Variants in PLA2R1 observed in about 807,000 individuals in gnomAD.
PLA2R1 encodes the protein phospholipase A2 receptor 1, also known as secretory phospholipase A2 receptor.
A neutral mutation model predicts 195.9 loss-of-function variants in PLA2R1; 158 were observed. The ratio of observed to expected loss-of-function variants is 0.81; its 90% CI spans 0.71 to 0.92. The LOEUF is 0.92. PLA2R1 is among the 40% of genes least tolerant of loss of function. PLA2R1 has a pLI of 0.00. For missense variants in PLA2R1, 1,626 were observed against 1,764.6 expected, an observed-to-expected ratio of 0.92 and a Z score of 1.41; for synonymous variants, 586 against 598.2, an observed-to-expected ratio of 0.98 and a Z score of 0.30.
chr2:159,967,727 T>C, intron 19 of PLA2R1, 49 bp from the exon 20 acceptor site: 4 of 1,529,792 alleles, frequency 2.6e-6, no homozygotes, highest in Non-Finnish European at 3.6e-6. Context: ...TGGCGATTCT[T>C]TGAAGGCATT....
intron 10 of PLA2R1, among the ~76,000 whole-genome samples, chr2:160,012,016 T>G (rs1478330908): frequency 2.6e-5 from 4 of 152,058 alleles, no homozygotes; most frequent in Non-Finnish European, 4.4e-5. Context: ...GAACAGAAGC[T>G]GGGTAAGAAG....
intron 1 of PLA2R1, among the ~76,000 whole-genome samples, chr2:160,052,444 A>G (rs1013804472): frequency 6.6e-6 from 1 of 152,252 alleles, no homozygotes; most frequent in Non-Finnish European, 1.5e-5. Flanking sequence ...GTATCTTACC[A>G]ATGAATTTTT....
intron 2 of PLA2R1, 102 bp from the exon 3 acceptor site, chr2:160,042,300 G>T: frequency 2.2e-6 from 2 of 925,970 alleles, no homozygotes; most frequent in Non-Finnish European, 1.7e-6. Context: ...AAACCCTCTT[G>T]GGGCAGATAC....
At chr2:159,987,035 C>G in intron 12 of PLA2R1, 121 bp downstream of exon 12, 1 of 672,472 alleles carries the variant, frequency 1.5e-6, no homozygotes, top group Non-Finnish European at 2.6e-6. Context: ...TAAGCACCTG[C>G]TGTCTGTCAG....
At position 159,936,500 on chromosome 2, in the gene PLA2R1, T is replaced by G. The variant is rs558717525; in HGVS notation, c.*5278A>C. 6.6e-6 allele frequency: 1 copy of G among 152,334 alleles called. No individual in the cohort carries two copies. The highest frequency in any genetic ancestry group is 2.1e-4 in the South Asian group (1 of 4,822). The allele number at this position is 152,334 out of a possible 1,614,324, so 9.4% of individuals were successfully genotyped here. A position where few individuals can be genotyped will look rare whatever the true frequency, so the allele number is the denominator to read the frequency against. ...TGCTAGTATAAATCAAGGTTCAGCA[T>G]CAATTCTGTTCTCTCTCTTCTTTTT... On this transcript the variant is annotated 3_prime_UTR_variant, in exon 30 of 30. Coordinates refer to ENST00000283243, the MANE Select transcript of PLA2R1 (RefSeq NM_007366.5).
chr2:159,929,571 C>A (rs984254085), downstream of PLA2R1, among the ~76,000 whole-genome samples: 1 of 152,104 alleles, frequency 6.6e-6, no homozygotes, highest in Non-Finnish European at 1.5e-5. Flanking sequence ...ACTAGTACAA[C>A]CACTATGGAA....
In PLA2R1 at chr2:160,045,079, T is replaced by A. The variant is rs1694775230; in HGVS notation, c.188A>T (p.Asn63Ile). The A allele has an allele frequency of 6.2e-7, 1 of 1,614,006 alleles. No homozygotes were observed. Among genetic ancestry groups the A allele is most frequent in the Non-Finnish European group, 8.5e-7 (1 of 1,179,828 alleles). Reference sequence around the variant, plus strand: ...CATGTGCTTGTTTGCTTGCTTGCAGTTCTCCAGGGTCAGAACCGATTTACC... The same window carrying A: ...CATGTGCTTGTTTGCTTGCTTGCAGATCTCCAGGGTCAGAACCGATTTACC... ...QAGKSVLTLE[N>I]CKQANKHMLW... The change falls in exon 2 of 30, where the codon AAC (asparagine) becomes ATC (isoleucine). Residue 63 changes from asparagine to isoleucine, a missense_variant. Transcript: ENST00000283243.
chr2:160,045,498 T>C (rs1694802788), intron 1 of PLA2R1, among the ~76,000 whole-genome samples: 1 of 152,140 alleles, frequency 6.6e-6, no homozygotes, highest in African/African-American at 2.4e-5. Context: ...TTGGTAATAA[T>C]ACTCAGGGCT....
At chr2:159,956,384 T>C in intron 21 of PLA2R1, 126 bp downstream of exon 21, 1 of 673,676 alleles carries the variant, frequency 1.5e-6, no homozygotes, top group Non-Finnish European at 2.7e-6. Flanking sequence ...TGCAAACTCG[T>C]GTATCATCAG....
chr2:159,928,130 CTGGTCCAGGGGATGCCA>C (rs1430384193), downstream of PLA2R1, among the ~76,000 whole-genome samples: 1 of 152,174 alleles, frequency 6.6e-6, no homozygotes, highest in Non-Finnish European at 1.5e-5. Context: ...ATACTCTTTT[CTGGTCCAGGGGATGCCA>C]TGCTTTGGCT....
At chr2:159,956,433 A>G (rs1688089062) in intron 21 of PLA2R1, 77 bp downstream of exon 21, 1 of 798,070 alleles carries the variant, frequency 1.3e-6, no homozygotes, top group Non-Finnish European at 2.2e-6. Flanking sequence ...GAATGTTAGT[A>G]TAGGTGGGGG....
At position 159,932,902 on chromosome 2, in the gene PLA2R1, G is replaced by A. The variant is rs1338700362; in HGVS notation, c.*8876C>T. 2 of 151,784 alleles carry A rather than the reference G, an allele frequency of 1.3e-5. No individual in the cohort carries two copies. The highest frequency in any genetic ancestry group is 2.9e-5 in the Non-Finnish European group (2 of 67,966). The allele number at this position is 151,784 out of a possible 1,614,324, so 9.4% of individuals were successfully genotyped here. A position where few individuals can be genotyped will look rare whatever the true frequency, so the allele number is the denominator to read the frequency against. ...ATCTAATATAAATAAGAGACTTAAT[G>A]GGAGAAACAGAAACACATTTTACAT... On this transcript the variant is annotated 3_prime_UTR_variant, in exon 30 of 30. Transcript: ENST00000283243.
At chr2:159,966,477 T>C (rs146877971) in intron 20 of PLA2R1, among the ~76,000 whole-genome samples, 188 of 152,318 alleles carry the variant, frequency 1.2e-3, no homozygotes, top group African/African-American at 4.2e-3. Flanking sequence ...AGTGTGAGTA[T>C]GTGATACTTA....
rs763340775 is a variant in PLA2R1 at position 159,933,132 on chromosome 2, T to C, written c.*8646A>G. 1.3e-5 allele frequency: 2 copies of C among 152,196 alleles called. No individual in the cohort carries two copies. The highest frequency in any genetic ancestry group is 2.9e-5 in the Non-Finnish European group (2 of 68,032). The allele number at this position is 152,196 out of a possible 1,614,324, so 9.4% of individuals were successfully genotyped here. ...TGTGAAGAAAACAGCACTTGAATGA[T>C]TTTTTCCCTTAATTTGTTCTAAATT... On this transcript the variant is annotated 3_prime_UTR_variant, in exon 30 of 30. Coordinates refer to ENST00000283243, the MANE Select transcript of PLA2R1 (RefSeq NM_007366.5).
intron 6 of PLA2R1, among the ~76,000 whole-genome samples, chr2:160,024,011 G>C (rs1186900033): frequency 2.0e-5 from 3 of 150,116 alleles, no homozygotes; most frequent in Non-Finnish European, 4.4e-5. Flanking sequence ...GTCACCTACA[G>C]TTCTTGCCAC....
chr2:159,953,588 A>C (rs1054207864), intron 23 of PLA2R1, among the ~76,000 whole-genome samples: 1 of 152,244 alleles, frequency 6.6e-6, no homozygotes, highest in Non-Finnish European at 1.5e-5. Context: ...GAAGATAAGT[A>C]ACCTTGACTG....
chr2:160,010,002 T>TG (rs1198833478), intron 10 of PLA2R1, among the ~76,000 whole-genome samples: 1 of 151,944 alleles, frequency 6.6e-6, no homozygotes, highest in African/African-American at 2.4e-5. Context: ...CCCAACTACT[T>TG]GGGGGGCTGA....
intron 28 of PLA2R1, among the ~76,000 whole-genome samples, chr2:159,943,485 A>C (rs1377109610): frequency 6.6e-6 from 1 of 152,204 alleles, no homozygotes; most frequent in Non-Finnish European, 1.5e-5. Context: ...ATACATCTTT[A>C]AGAAAGACTG....
intron 10 of PLA2R1, among the ~76,000 whole-genome samples, chr2:160,012,590 ATACAT>A (rs1178668592): frequency 2.0e-5 from 3 of 150,718 alleles, no homozygotes; most frequent in Non-Finnish European, 4.4e-5. Context: ...TACAACTCAC[ATACAT>A]TACATCAAAA....
Sources: allele counts gnomAD v4.1 joint callset (sites outside exome capture counted in the v4.1 genomes callset), GRCh38; gene constraint gnomAD v4.1.1; transcripts MANE v1.5; gene names NCBI Gene and HGNC (gene_info 2026-07-23, HGNC 2026-07-21).